ESPN: variants seen among roughly 807,000 people sequenced by gnomAD.
ESPN encodes the protein autosomal recessive deafness type 36 protein.
In ESPN, 68 loss-of-function variants were observed where a neutral mutation model predicts 77.7. The ratio of observed to expected loss-of-function variants is 0.87; its 90% CI spans 0.72 to 1.07. ESPN has a LOEUF of 1.07. Among genes scored for constraint, ESPN ranks in the 50% least tolerant of loss-of-function variants. The pLI, the probability that ESPN is intolerant of heterozygous loss-of-function variation, is 0.00. For missense variants in ESPN, 1,060 were observed against 1,239.0 expected (o/e 0.86, Z 2.17); for synonymous variants, 449 against 567.1 (o/e 0.79, Z 2.96).
chr1:6,459,553 C>T (rs891460243), intron 12 of ESPN, among the ~76,000 whole-genome samples: 2 of 152,172 alleles, frequency 1.3e-5, no homozygotes, highest in African/African-American at 4.8e-5. Flanking sequence ...CCTCTATGTT[C>T]TAATAACTTG....
intron 10 of ESPN, among the ~76,000 whole-genome samples, chr1:6,453,697 G>A (rs1643995030): frequency 6.6e-6 from 1 of 152,192 alleles, no homozygotes; most frequent in African/African-American, 2.4e-5. Flanking sequence ...GCCGGGTGCG[G>A]GGAGTGTTAA....
At chr1:6,436,004 C>A (rs1643424646) in intron 2 of ESPN, among the ~76,000 whole-genome samples, 1 of 152,214 alleles carries the variant, frequency 6.6e-6, no homozygotes, top group Non-Finnish European at 1.5e-5. Context: ...GCCAGGTCCT[C>A]CTTATAGCGA....
rs913683571 is a variant in ESPN, at chr1:6,427,559, G to C, written c.295-667G>C. ...ACCCCTGGCTGACTGCCCCGGACCC[G>C]CCCACCAGTACCCAGCAACTTCCAC... On this transcript the variant is annotated intron_variant, in intron 1 of 12. Transcript: ENST00000645284. The surrounding 1 kb of genome is among the most constrained non-coding windows in gnomAD (Gnocchi z 4.6). Among the ~76,000 whole-genome samples the C allele has an allele frequency of 2.0e-5, 3 of 152,140 alleles. No individual in the cohort carries two copies. Among genetic ancestry groups the C allele is most frequent in the Non-Finnish European group, 2.9e-5 (2 of 68,018 alleles).
At position 6,427,047 on chromosome 1, in the gene ESPN, C is replaced by G. The variant is rs919906139; in HGVS notation, c.295-1179C>G. ...CGTGCCCTCTTTTCCTTGCATTTCT[C>G]ACGGGAGCCTCAGAGGTTCTCTTCC... On this transcript the variant is annotated intron_variant, in intron 1 of 12. Transcript: ENST00000645284. The surrounding 1 kb of genome is among the most constrained non-coding windows in gnomAD (Gnocchi z 4.6). Among the ~76,000 whole-genome samples the G allele has an allele frequency of 1.3e-5, 2 of 152,034 alleles. No homozygotes were observed. Among genetic ancestry groups the G allele is most frequent in the Non-Finnish European group, 2.9e-5 (2 of 68,002 alleles).
chr1:6,443,201 G>T (rs1451210510), intron 5 of ESPN: 3 of 151,958 alleles, frequency 2.0e-5, no homozygotes, highest in South Asian at 4.1e-4. Flanking sequence ...TGACAATATG[G>T]CATTTACTGG....
chr1:6,433,781 C>T (rs368894276), intron 2 of ESPN, among the ~76,000 whole-genome samples: 1 of 152,096 alleles, frequency 6.6e-6, no homozygotes, highest in Non-Finnish European at 1.5e-5. Context: ...CAGAGATACC[C>T]GCCTGCACCC....
intron 12 of ESPN, among the ~76,000 whole-genome samples, 176 bp from the exon 13 acceptor site, chr1:6,459,823 C>T (rs1644124719): frequency 6.6e-6 from 1 of 152,202 alleles, no homozygotes; most frequent in Admixed American, 6.5e-5. Context: ...CTCCAGTAAC[C>T]CCATTCTGCC....
At position 6,460,289 on chromosome 1, in the gene ESPN, C is replaced by A. The variant is rs1644136073; in HGVS notation, c.*143C>A. ...AAACCCTCCCTGACCCCCACCCTGG[C>A]CCCCCGTATCCCCAGCCCTTGGCAA... On this transcript the variant is annotated 3_prime_UTR_variant, in exon 13 of 13. Coordinates refer to ENST00000645284, the MANE Select transcript of ESPN (RefSeq NM_031475.3). 7 of 1,035,384 alleles carry A rather than the reference C, an allele frequency of 6.8e-6. No individual in the cohort carries two copies. The East Asian group carries it at 1.6e-4, about 24-fold the overall frequency. 64.1% of individuals were successfully genotyped at this position (1,035,384 alleles called of 1,614,324 possible). A position where few individuals can be genotyped will look rare whatever the true frequency, so the allele number is the denominator to read the frequency against.
At chr1:6,446,207 C>T (rs1643832146) in intron 7 of ESPN, among the ~76,000 whole-genome samples, 1 of 152,184 alleles carries the variant, frequency 6.6e-6, no homozygotes, top group South Asian at 2.1e-4. Flanking sequence ...GGAACTGGGC[C>T]TGTGCCACCT....
downstream of ESPN, chr1:6,461,139 G>C: frequency 1.6e-6 from 1 of 632,094 alleles, no homozygotes; most frequent in Non-Finnish European, 3.0e-6. The surrounding 1 kb of genome is among the most constrained non-coding windows in gnomAD (Gnocchi z 6.3). Flanking sequence ...CCGCAGAAAC[G>C]CCAAGAAGCC....
In ESPN at chr1:6,444,811, A is replaced by G. The variant is rs1267090421; in HGVS notation, c.1192+129A>G. On this transcript the variant is annotated intron_variant, in intron 6 of 12. Transcript: ENST00000645284. ...CACTACCCTCATCACTTGCTCTTAA[A>G]CATGGGGAGGCGACACCCCTTCTGG... The G allele has an allele frequency of 5.7e-5, 63 of 1,109,472 alleles. No individual in the cohort carries two copies. In the South Asian group the frequency reaches 6.6e-4, roughly 12 times the overall value. 68.7% of individuals were successfully genotyped at this position (1,109,472 alleles called of 1,614,324 possible).
Position 6,448,940 on chromosome 1 carries a change from C to A in ESPN, c.1764C>A (p.Asp588Glu). The A allele has an allele frequency of 7.1e-7, 1 of 1,406,798 alleles. No homozygotes were observed. The highest frequency in any genetic ancestry group is 9.2e-7 in the Non-Finnish European group (1 of 1,085,750). The allele number at this position is 1,406,798 out of a possible 1,614,324, so 87.1% of individuals were successfully genotyped here. The part of the protein sequence containing the change: ...GNHVPNGCAA[D>E]PKASRELPPP... ...ATGTTCCTAACGGCTGCGCCGCGGA[C>A]CCCAAGGCGTCCAGGGAGCTGCCAC... Residue 588 changes from aspartate to glutamate, a missense_variant, in exon 8 of 13, where the codon GAC becomes GAA. This residue lies in a region of ESPN where 374 missense variants were observed against 381.4 expected (regional missense o/e 0.98). Coordinates refer to ENST00000645284, the MANE Select transcript of ESPN (RefSeq NM_031475.3).
At chr1:6,449,200 T>C (rs1212647320) in intron 8 of ESPN, 109 bp downstream of exon 8, 2 of 1,144,976 alleles carry the variant, frequency 1.7e-6, no homozygotes, top group African/African-American at 3.3e-5. Context: ...CTTCCTCTTC[T>C]ACATGGTCTT....
At chr1:6,455,870 G>A in intron 10 of ESPN, 1 of 398,998 alleles carries the variant, frequency 2.5e-6, no homozygotes, top group Admixed American at 4.4e-5. Context: ...ACGGCCTGGA[G>A]GCTGAGCCGG....
chr1:6,446,025 G>A (rs1358872272), intron 7 of ESPN, 90 bp downstream of exon 7: 2 of 1,345,176 alleles, frequency 1.5e-6, no homozygotes, highest in Non-Finnish European at 2.1e-6. Context: ...TCACTAGTGG[G>A]CATAGGGTGG....
chr1:6,440,178 C>G, intron 2 of ESPN, 76 bp from the exon 3 acceptor site: 4 of 1,463,090 alleles, frequency 2.7e-6, no homozygotes, highest in Non-Finnish European at 3.7e-6. Context: ...CTCCCCGGGA[C>G]GGGATGGGGG....
chr1:6,454,341 AC>A (rs1472499697), intron 10 of ESPN: 1 of 396,440 alleles, frequency 2.5e-6, no homozygotes, highest in Non-Finnish European at 4.4e-6. Flanking sequence ...CCATTACACC[AC>A]CCGGGACATG....
At chr1:6,452,820 G>A (rs1207541424) in intron 10 of ESPN, among the ~76,000 whole-genome samples, 1 of 152,174 alleles carries the variant, frequency 6.6e-6, no homozygotes, top group Non-Finnish European at 1.5e-5. Context: ...CTGTAAGGTG[G>A]GCTGATCAGC....
intron 4 of ESPN, 53 bp from the exon 5 acceptor site, chr1:6,440,881 G>A: frequency 2.0e-6 from 3 of 1,535,664 alleles, no homozygotes; most frequent in Non-Finnish European, 2.6e-6. Context: ...CTGCCCGGGC[G>A]CGGGGGTCCC....
Sources: gnomAD v4.1 joint callset for allele counts (sites outside exome capture counted in the v4.1 genomes callset) on GRCh38, gnomAD v4.1.1 for gene constraint, gnomAD v4.1.1 regional missense constraint, Gnocchi (gnomAD v3.1) non-coding constraint, MANE v1.5 for transcripts, NCBI Gene and HGNC (gene_info 2026-07-23, HGNC 2026-07-21) for gene names.